GRIN3A: variants seen among roughly 807,000 people sequenced by gnomAD.
GRIN3A encodes the protein glutamate ionotropic receptor NMDA type subunit 3A, also known as glutamate receptor ionotropic, NMDA 3A.
A neutral mutation model predicts 92.4 loss-of-function variants in GRIN3A; 47 were observed. That is an observed-to-expected ratio of 0.51 (90% CI 0.40 to 0.65). The LOEUF is 0.65. GRIN3A is among the 30% of genes least tolerant of loss of function. The pLI is 0.00. For missense variants in GRIN3A, 1,324 were observed against 1,393.1 expected (o/e 0.95, Z 0.79); for synonymous variants, 527 against 540.6 (o/e 0.97, Z 0.35).
chr9:101,642,847 T>C (rs902507459), intron 3 of GRIN3A, among the ~76,000 whole-genome samples: 3 of 152,120 alleles, frequency 2.0e-5, no homozygotes, highest in Non-Finnish European at 4.4e-5. Context: ...GATTCTGTTA[T>C]GAGAATCTAA....
At chr9:101,673,116 C>A (rs932482630) in intron 2 of GRIN3A, among the ~76,000 whole-genome samples, 1 of 151,910 alleles carries the variant, frequency 6.6e-6, no homozygotes, top group African/African-American at 2.4e-5. Context: ...AAAGAGGAAC[C>A]CTTCATTATT....
At chr9:101,643,911 A>G (rs938392133) in intron 3 of GRIN3A, among the ~76,000 whole-genome samples, 3 of 151,742 alleles carry the variant, frequency 2.0e-5, no homozygotes, top group Non-Finnish European at 4.4e-5. Context: ...GGATGGCGGG[A>G]TATTCATCAG....
intron 3 of GRIN3A, among the ~76,000 whole-genome samples, chr9:101,643,702 C>T (rs761425006): frequency 1.3e-5 from 2 of 150,724 alleles, no homozygotes; most frequent in African/African-American, 2.4e-5. Flanking sequence ...CACACCCACA[C>T]GAATATTATT....
intron 2 of GRIN3A, among the ~76,000 whole-genome samples, chr9:101,672,801 G>C (rs1829346402): frequency 6.6e-6 from 1 of 152,110 alleles, no homozygotes; most frequent in Non-Finnish European, 1.5e-5. Flanking sequence ...TCCCCAGTGG[G>C]ATTCTACCAC....
chr9:101,724,462 G>T (rs952173766), intron 1 of GRIN3A, among the ~76,000 whole-genome samples: 21 of 152,108 alleles, frequency 1.4e-4, no homozygotes, highest in Non-Finnish European at 2.6e-4. Context: ...ACCTGCGCGC[G>T]CAGCCCTGGT....
chr9:101,653,704 T>A (rs1351326618), intron 3 of GRIN3A, among the ~76,000 whole-genome samples: 1 of 151,866 alleles, frequency 6.6e-6, no homozygotes, highest in Non-Finnish European at 1.5e-5. Flanking sequence ...TTGGTTTGTG[T>A]CTCTACTTTG....
intron 3 of GRIN3A, among the ~76,000 whole-genome samples, chr9:101,633,620 A>G (rs1158292876): frequency 2.6e-5 from 4 of 152,184 alleles, no homozygotes; most frequent in South Asian, 4.1e-4. Context: ...GCGGCATGAT[A>G]TTCTCATAGG....
chr9:101,711,933 G>A (rs570597567), intron 1 of GRIN3A, among the ~76,000 whole-genome samples: 1 of 152,278 alleles, frequency 6.6e-6, no homozygotes, highest in Admixed American at 6.5e-5. Context: ...GCAGGGTAAA[G>A]GTCTGAACCT....
chr9:101,601,430 T>C (rs148251247), intron 6 of GRIN3A, among the ~76,000 whole-genome samples: 1 of 152,304 alleles, frequency 6.6e-6, no homozygotes, highest in Admixed American at 6.5e-5. Flanking sequence ...AACAATGACA[T>C]CTACAAATGC....
intron 6 of GRIN3A, among the ~76,000 whole-genome samples, chr9:101,600,344 A>G (rs1364970439): frequency 6.6e-6 from 1 of 152,214 alleles, no homozygotes; most frequent in Non-Finnish European, 1.5e-5. Context: ...ATAATTATTG[A>G]GGATCTACTA....
intron 3 of GRIN3A, among the ~76,000 whole-genome samples, chr9:101,637,622 C>A (rs374867150): frequency 1.6e-4 from 25 of 152,162 alleles, no homozygotes; most frequent in African/African-American, 5.6e-4. Flanking sequence ...AACACCTTAA[C>A]GTGAATTATA....
chr9:101,644,138 T>C (rs1419999542), intron 3 of GRIN3A, among the ~76,000 whole-genome samples: 1 of 151,984 alleles, frequency 6.6e-6, no homozygotes, highest in Non-Finnish European at 1.5e-5. Context: ...CTTAAATGCA[T>C]ATAATTTTCA....
intron 6 of GRIN3A, 92 bp downstream of exon 6, chr9:101,613,284 C>T: frequency 7.5e-7 from 1 of 1,329,696 alleles, no homozygotes; most frequent in Non-Finnish European, 1.1e-6. Flanking sequence ...AATGCAATAA[C>T]CTAGATGATG....
intron 2 of GRIN3A, among the ~76,000 whole-genome samples, chr9:101,678,843 T>C (rs918637171): frequency 6.6e-6 from 1 of 152,234 alleles, no homozygotes; most frequent in African/African-American, 2.4e-5. Flanking sequence ...CTGGCACTTT[T>C]TTCTCTCTGT....
At chr9:101,662,253 G>A (rs1165297869) in intron 3 of GRIN3A, among the ~76,000 whole-genome samples, 1 of 151,798 alleles carries the variant, frequency 6.6e-6, no homozygotes, top group African/African-American at 2.4e-5. Flanking sequence ...CTCAGTAAGG[G>A]AATCTTGTCA....
chr9:101,720,662 C>A (rs940376069), intron 1 of GRIN3A, among the ~76,000 whole-genome samples: 5 of 152,140 alleles, frequency 3.3e-5, no homozygotes, highest in African/African-American at 1.2e-4. Context: ...GAGCATAATT[C>A]ATCTGCAAAT....
At chr9:101,728,178 T>G (rs1454154343) in intron 1 of GRIN3A, among the ~76,000 whole-genome samples, 1 of 152,168 alleles carries the variant, frequency 6.6e-6, no homozygotes, top group Admixed American at 6.6e-5. Flanking sequence ...AATGTTGAAC[T>G]TTACGAAAAC....
chr9:101,624,855 C>G (rs554525490), intron 4 of GRIN3A, among the ~76,000 whole-genome samples: 18 of 152,242 alleles, frequency 1.2e-4, no homozygotes, highest in South Asian at 6.2e-4. Context: ...AATGAGATAC[C>G]ATCTCACAGC....
intron 3 of GRIN3A, among the ~76,000 whole-genome samples, chr9:101,637,988 G>T (rs2118896624): frequency 6.6e-6 from 1 of 152,064 alleles, no homozygotes; most frequent in East Asian, 1.9e-4. Context: ...ATTGCTCCTT[G>T]TTTCTCTCTG....
Sources: allele counts gnomAD v4.1 joint callset (sites outside exome capture counted in the v4.1 genomes callset), GRCh38; gene constraint gnomAD v4.1.1; transcripts MANE v1.5; gene names NCBI Gene and HGNC (gene_info 2026-07-23, HGNC 2026-07-21).